The following TBC1D32 variants were observed in gnomAD, a reference collection of about 807,000 sequenced individuals.
TBC1D32 encodes the protein protein broad-minded.
A neutral mutation model predicts 170.3 loss-of-function variants in TBC1D32; 151 were observed. The observed-to-expected ratio is 0.89, with a 90% CI of 0.78 to 1.01. The LOEUF is 1.01. Among genes scored for constraint, TBC1D32 ranks in the 50% least tolerant of loss-of-function variants. The probability of loss-of-function intolerance (pLI) is 0.00; values close to 1 mark genes in which losing one functional copy is unlikely to be tolerated. For missense variants in TBC1D32, 1,464 were observed against 1,457.1 expected (o/e 1.00, Z -0.08); for synonymous variants, 498 against 488.0 (o/e 1.02, Z -0.27).
intron 21 of TBC1D32, among the ~76,000 whole-genome samples, chr6:121,218,884 G>A (rs1001204698): frequency 6.6e-6 from 1 of 152,144 alleles, no homozygotes; most frequent in African/African-American, 2.4e-5. Context: ...CTGCTGCCAT[G>A]TGATGAAGGA....
intron 15 of TBC1D32, among the ~76,000 whole-genome samples, chr6:121,268,699 C>T (rs1471719732): frequency 6.6e-6 from 1 of 152,074 alleles, no homozygotes. Flanking sequence ...AGGATATTAT[C>T]CAGGAGAACT....
At chr6:121,305,470 A>C (rs531873221) in intron 5 of TBC1D32, among the ~76,000 whole-genome samples, 1 of 152,108 alleles carries the variant, frequency 6.6e-6, no homozygotes, top group Non-Finnish European at 1.5e-5. Flanking sequence ...TGATAAGATT[A>C]ATCCTAATAG....
chr6:121,266,095 C>T (rs9490151), intron 15 of TBC1D32, among the ~76,000 whole-genome samples: 187 of 152,132 alleles, frequency 1.2e-3, no homozygotes, highest in African/African-American at 4.4e-3. Flanking sequence ...AACTAAAGAG[C>T]TTCTGCAAAG....
rs1563279237 is a variant in TBC1D32 at position 121,294,586 on chromosome 6, TC to T, written c.1214del (p.Gly405AspfsTer16). On this transcript the variant is annotated frameshift_variant, in exon 11 of 32. Coordinates refer to ENST00000398212, the MANE Select transcript of TBC1D32 (RefSeq NM_152730.6). LOFTEE classifies it high-confidence loss of function. Reference protein sequence around the residue: ...CKTRKADETLGHSKHCRNKQK... With the variant: ...CKTRKADETLXHSKHCRNKQK... ...AATACTTACTGCAATGCTTTGAATG[TC>T]CCAAAGTTTCATCAGCTTTCCTAGT... 1.2e-6 allele frequency: 2 copies of T among 1,611,774 alleles called. No individual in the cohort carries two copies. Among genetic ancestry groups the T allele is most frequent in the South Asian group, 2.2e-5 (2 of 90,564 alleles).
chr6:121,094,155 C>A (rs76392801), intron 30 of TBC1D32, among the ~76,000 whole-genome samples: 3,756 of 151,594 alleles, frequency 0.025, 166 homozygotes, highest in East Asian at 0.13. Context: ...AAATTTTAAT[C>A]TCTGAGCAAG....
chr6:121,216,977 TATTGC>T (rs1172358339), intron 21 of TBC1D32, among the ~76,000 whole-genome samples: 4 of 152,176 alleles, frequency 2.6e-5, no homozygotes, highest in African/African-American at 4.8e-5. Context: ...TCAAAAATAG[TATTGC>T]ATCCCTGGAG....
chr6:121,114,099 G>C (rs1779461686), intron 27 of TBC1D32, among the ~76,000 whole-genome samples: 1 of 152,088 alleles, frequency 6.6e-6, no homozygotes, highest in South Asian at 2.1e-4. Flanking sequence ...ACCTGAACCT[G>C]GGAGGCAGAG....
intron 9 of TBC1D32, among the ~76,000 whole-genome samples, chr6:121,301,483 G>A (rs976458394): frequency 1.8e-4 from 28 of 152,178 alleles, no homozygotes; most frequent in African/African-American, 6.7e-4. Flanking sequence ...TGAGAGTTGA[G>A]CAATGAAAAC....
At chr6:121,194,162 T>G (rs1790422508) in intron 22 of TBC1D32, among the ~76,000 whole-genome samples, 2 of 152,196 alleles carry the variant, frequency 1.3e-5, no homozygotes, top group Admixed American at 6.5e-5. Context: ...AACGGAGTTT[T>G]AGCTCACGTT....
At chr6:121,237,261 T>G (rs989048926) in intron 20 of TBC1D32, among the ~76,000 whole-genome samples, 3 of 152,066 alleles carry the variant, frequency 2.0e-5, no homozygotes, top group African/African-American at 7.2e-5. Flanking sequence ...AAAATTTTTC[T>G]GCTAATCTCT....
At chr6:121,267,969 T>A (rs143098131) in intron 15 of TBC1D32, among the ~76,000 whole-genome samples, 3,644 of 152,208 alleles carry the variant, frequency 0.024, 163 homozygotes, top group East Asian at 0.12. Flanking sequence ...TTCTGCAGCC[T>A]CCACTGGTGA....
At chr6:121,265,271 C>T (rs1215231263) in intron 15 of TBC1D32, among the ~76,000 whole-genome samples, 1 of 152,072 alleles carries the variant, frequency 6.6e-6, no homozygotes, top group Non-Finnish European at 1.5e-5. Flanking sequence ...ACATCAACAA[C>T]AGACAGAGAG....
chr6:121,219,717 T>C (rs1211542951), intron 21 of TBC1D32, among the ~76,000 whole-genome samples: 2 of 152,360 alleles, frequency 1.3e-5, no homozygotes, highest in East Asian at 1.9e-4. Flanking sequence ...ATGTCACTTA[T>C]TATACTTTGC....
chr6:121,206,585 T>G (rs1211172172), intron 21 of TBC1D32, among the ~76,000 whole-genome samples: 1 of 152,158 alleles, frequency 6.6e-6, no homozygotes, highest in African/African-American at 2.4e-5. Context: ...CTGATCAATA[T>G]TAATACAACA....
intron 29 of TBC1D32, among the ~76,000 whole-genome samples, chr6:121,110,310 C>T (rs1168293836): frequency 1.3e-5 from 2 of 150,680 alleles, no homozygotes; most frequent in Admixed American, 1.3e-4. Flanking sequence ...ACTCAACATA[C>T]ATTTATTGAG....
At chr6:121,305,078 T>C (rs986383501) in intron 5 of TBC1D32, among the ~76,000 whole-genome samples, 4 of 152,072 alleles carry the variant, frequency 2.6e-5, no homozygotes, top group African/African-American at 9.7e-5. Flanking sequence ...TCATAGTATA[T>C]ACTGACATGG....
chr6:121,148,452 G>C (rs1783765073), intron 24 of TBC1D32, among the ~76,000 whole-genome samples: 1 of 152,088 alleles, frequency 6.6e-6, no homozygotes, highest in African/African-American at 2.4e-5. Context: ...ACATACGTGT[G>C]CATGTGTCTT....
intron 15 of TBC1D32, among the ~76,000 whole-genome samples, chr6:121,278,340 C>T (rs769852723): frequency 1.3e-5 from 2 of 152,018 alleles, no homozygotes; most frequent in Middle Eastern, 3.4e-3. Flanking sequence ...GGCAAAAATC[C>T]TCAATAAATA....
intron 22 of TBC1D32, chr6:121,170,573 C>CA: frequency 7.2e-7 from 1 of 1,389,890 alleles, no homozygotes; most frequent in Admixed American, 2.6e-5. Context: ...AAATATGTCC[C>CA]AAAAGCATAA....
Sources: gnomAD v4.1 joint callset for allele counts (sites outside exome capture counted in the v4.1 genomes callset) on GRCh38, gnomAD v4.1.1 for gene constraint, MANE v1.5 for transcripts, NCBI Gene and HGNC (gene_info 2026-07-23, HGNC 2026-07-21) for gene names.